Variants in ZMAT3 observed in about 807,000 individuals in gnomAD.
The protein encoded by ZMAT3 is zinc finger matrin-type 3, also known as zinc finger matrin-type protein 3.
A neutral mutation model predicts 32.3 loss-of-function variants in ZMAT3; 17 were observed. That is an observed-to-expected ratio of 0.53 (90% CI 0.36 to 0.79). ZMAT3 has a LOEUF of 0.79. Among genes scored for constraint, ZMAT3 ranks in the 30% least tolerant of loss-of-function variants. The probability of loss-of-function intolerance (pLI) is 0.00; values close to 1 mark genes in which losing one functional copy is unlikely to be tolerated. For missense variants in ZMAT3, 329 were observed against 359.7 expected, an observed-to-expected ratio of 0.91 and a Z score of 0.69; for synonymous variants, 120 against 133.1, an observed-to-expected ratio of 0.90 and a Z score of 0.68.
chr3:179,026,895 T>G (rs1304296315), intron 5 of ZMAT3, among the ~76,000 whole-genome samples: 1 of 152,212 alleles, frequency 6.6e-6, no homozygotes, highest in Non-Finnish European at 1.5e-5. Flanking sequence ...TTCCTATAAA[T>G]CAGTGTTTGT....
At chr3:179,042,342 C>T (rs1050926726) in intron 2 of ZMAT3, among the ~76,000 whole-genome samples, 1 of 152,080 alleles carries the variant, frequency 6.6e-6, no homozygotes, top group Admixed American at 6.6e-5. Context: ...ACTGGCAAAC[C>T]GAATCCAGCA....
At chr3:179,035,690 C>T (rs1353806689) in intron 2 of ZMAT3, among the ~76,000 whole-genome samples, 4 of 151,920 alleles carry the variant, frequency 2.6e-5, no homozygotes, top group African/African-American at 9.7e-5. Flanking sequence ...TGTTCTAATC[C>T]CAATGCCTAG....
At chr3:179,071,017 A>G (rs1024866253) in intron 1 of ZMAT3, among the ~76,000 whole-genome samples, 7 of 152,226 alleles carry the variant, frequency 4.6e-5, no homozygotes, top group African/African-American at 1.7e-4. Flanking sequence ...AATGAGGGAA[A>G]GGCAGCGAGC....
intron 2 of ZMAT3, among the ~76,000 whole-genome samples, chr3:179,049,326 A>G (rs959692801): frequency 5.3e-5 from 8 of 152,194 alleles, no homozygotes; most frequent in Non-Finnish European, 1.2e-4. Context: ...CACTTCACAG[A>G]TATTTACAGA....
Position 179,037,032 on chromosome 3 carries a change from G to A in ZMAT3, c.271-6033C>T, listed in dbSNP as rs150468299. Among the ~76,000 whole-genome samples the A allele has an allele frequency of 3.0e-3, 460 of 152,236 alleles. 6 individuals carry two copies. The South Asian group carries it at 0.034, about 11-fold the overall frequency. On this transcript the variant is annotated intron_variant, in intron 2 of 5. Coordinates refer to ENST00000311417, the MANE Select transcript of ZMAT3 (RefSeq NM_022470.4). The stretch of plus-strand genomic sequence containing the variant: ...TTTTGGGTCCCCTCTCACACACAGG[G>A]CTAATCACTCTTGGGCCCCCTCTCT...
At chr3:179,034,748 G>C (rs1310785892) in intron 2 of ZMAT3, among the ~76,000 whole-genome samples, 1 of 152,148 alleles carries the variant, frequency 6.6e-6, no homozygotes, top group East Asian at 1.9e-4. Context: ...ATCCACAGTA[G>C]GTAAATGGCA....
chr3:179,037,546 G>A lies in ZMAT3; in HGVS notation c.271-6547C>T, dbSNP rs183552101. Among the ~76,000 whole-genome samples, 47 of 152,252 alleles carry A rather than the reference G, an allele frequency of 3.1e-4. 1 individual carries two copies. The highest frequency in any genetic ancestry group is 9.9e-4 in the African/African-American group (41 of 41,562). On this transcript the variant is annotated intron_variant, in intron 2 of 5. Coordinates refer to ENST00000311417, the MANE Select transcript of ZMAT3 (RefSeq NM_022470.4). ...CAGGCTGAGTGGGCGGAGTGAGCTC[G>A]GTGGAATGAGGCCCCAGGCAGAGGA...
At chr3:179,031,055 A>G (rs1719156994) in intron 2 of ZMAT3, 56 bp from the exon 3 acceptor site, 14 of 1,527,092 alleles carry the variant, frequency 9.2e-6, no homozygotes, top group Non-Finnish European at 1.2e-5. Flanking sequence ...AGTTTCAGCA[A>G]TTTCAGTTAG....
rs1720218326 is a variant in ZMAT3, at chr3:179,046,051, G to A, written c.271-15052C>T. ...CAGAAGAGCTCTATGACAGGGAGCAGAGAAATCCGGCATGCAGCTAGACAG... is the reference window on the plus strand; with the variant it reads ...CAGAAGAGCTCTATGACAGGGAGCAAAGAAATCCGGCATGCAGCTAGACAG... On this transcript the variant is annotated intron_variant, in intron 2 of 5. Transcript: ENST00000311417. This position sits in a 1 kb window ranked among gnomAD's most constrained non-coding sequence, Gnocchi z 4.3. Among the ~76,000 whole-genome samples, 1 of 152,176 alleles carries A rather than the reference G, an allele frequency of 6.6e-6. No homozygotes were observed. The highest frequency in any genetic ancestry group is 2.4e-5 in the African/African-American group (1 of 41,442).
At chr3:179,047,471 C>G (rs1286917430) in intron 2 of ZMAT3, among the ~76,000 whole-genome samples, 1 of 152,208 alleles carries the variant, frequency 6.6e-6, no homozygotes, top group Non-Finnish European at 1.5e-5. Context: ...CAAAAGATCA[C>G]CTTAGCTCAC....
At chr3:179,053,560 CAAAAAG>C (rs1560095265) in intron 2 of ZMAT3, among the ~76,000 whole-genome samples, 1 of 152,050 alleles carries the variant, frequency 6.6e-6, no homozygotes, top group Non-Finnish European at 1.5e-5. Flanking sequence ...TTGTTGAACA[CAAAAAG>C]AAAAAGAGTA....
intron 2 of ZMAT3, among the ~76,000 whole-genome samples, chr3:179,042,293 A>G (rs567631419): frequency 6.6e-6 from 1 of 152,342 alleles, no homozygotes; most frequent in East Asian, 1.9e-4. Flanking sequence ...TTAGACCAAT[A>G]TCCCTGATAA....
At chr3:179,033,276 G>A (rs1576844007) in intron 2 of ZMAT3, among the ~76,000 whole-genome samples, 2 of 152,256 alleles carry the variant, frequency 1.3e-5, no homozygotes, top group East Asian at 3.9e-4. Context: ...TTAAACAGAT[G>A]CTTGAAGGCA....
chr3:179,059,134 A>C (rs1023767050), intron 2 of ZMAT3, among the ~76,000 whole-genome samples: 7 of 152,156 alleles, frequency 4.6e-5, no homozygotes, highest in Non-Finnish European at 1.5e-5. Flanking sequence ...AGGGAAATAG[A>C]AGGGAAATGC....
chr3:179,043,890 C>G (rs968754213), intron 2 of ZMAT3, among the ~76,000 whole-genome samples: 1 of 152,026 alleles, frequency 6.6e-6, no homozygotes, highest in Non-Finnish European at 1.5e-5. Flanking sequence ...ACAAAGAACC[C>G]CATCAAAAAG....
chr3:179,023,023 C>G lies in ZMAT3; in HGVS notation c.*1994G>C, dbSNP rs1478785708. Reference sequence around the variant, plus strand: ...GCAAACATACTGCTTAAAATATAAACTTCCTGATCAAGTGGGCTTTCAAAA... The same window carrying G: ...GCAAACATACTGCTTAAAATATAAAGTTCCTGATCAAGTGGGCTTTCAAAA... On this transcript the variant is annotated 3_prime_UTR_variant, in exon 6 of 6. Coordinates refer to ENST00000311417, the MANE Select transcript of ZMAT3 (RefSeq NM_022470.4). 6.6e-6 allele frequency: 1 copy of G among 152,184 alleles called. No homozygotes were observed. The highest frequency in any genetic ancestry group is 1.5e-5 in the Non-Finnish European group (1 of 68,026). 9.4% of individuals were successfully genotyped at this position (152,184 alleles called of 1,614,324 possible). A position where few individuals can be genotyped will look rare whatever the true frequency, so the allele number is the denominator to read the frequency against.
At chr3:179,037,543 C>A (rs139577007) in intron 2 of ZMAT3, among the ~76,000 whole-genome samples, 1 of 152,126 alleles carries the variant, frequency 6.6e-6, no homozygotes, top group African/African-American at 2.4e-5. Context: ...GCGGAGTGAG[C>A]TCGGTGGAAT....
intron 1 of ZMAT3, among the ~76,000 whole-genome samples, chr3:179,069,138 A>C (rs1220640989): frequency 2.6e-5 from 4 of 152,188 alleles, no homozygotes; most frequent in Non-Finnish European, 5.9e-5. Context: ...TTACCTACAC[A>C]AAATAAGGTA....
chr3:179,054,511 G>C (rs1051855838), intron 2 of ZMAT3, among the ~76,000 whole-genome samples: 32 of 152,130 alleles, frequency 2.1e-4, no homozygotes, highest in African/African-American at 7.7e-4. Context: ...TCCTGATTTT[G>C]ACAATTGTAC....
Sources: gnomAD v4.1 joint callset for allele counts (sites outside exome capture counted in the v4.1 genomes callset) on GRCh38, gnomAD v4.1.1 for gene constraint, Gnocchi (gnomAD v3.1) non-coding constraint, MANE v1.5 for transcripts, NCBI Gene and HGNC (gene_info 2026-07-23, HGNC 2026-07-21) for gene names.